The following ADGRV1 variants were observed in gnomAD, a reference collection of about 807,000 sequenced individuals.
ADGRV1 encodes the protein adhesion G protein-coupled receptor V1, also known as G-protein coupled receptor 98.
ADGRV1 carries 359 observed loss-of-function variants against 596.2 expected under a neutral mutation model. The observed-to-expected ratio is 0.60, with a 90% CI of 0.55 to 0.66. The LOEUF is 0.66. ADGRV1 is among the 30% of genes least tolerant of loss of function. ADGRV1 has a pLI of 0.00. For missense variants in ADGRV1, 7,274 were observed against 7,575.6 expected, an observed-to-expected ratio of 0.96 and a Z score of 1.48; for synonymous variants, 2,681 against 2,679.2, an observed-to-expected ratio of 1.00 and a Z score of -0.02.
intron 83 of ADGRV1, among the ~76,000 whole-genome samples, chr5:90,881,566 A>G (rs1202303659): frequency 1.3e-5 from 2 of 152,170 alleles, no homozygotes; most frequent in Admixed American, 6.5e-5. Flanking sequence ...AACTTTGGCC[A>G]GTGGGTCACA....
chr5:90,783,153 C>CTA lies in ADGRV1; in HGVS notation c.13261_13262insTA (p.Pro4421LeufsTer4). 6.2e-7 allele frequency: 1 copy of CTA among 1,613,484 alleles called. No individual in the cohort carries two copies. The stretch of plus-strand genomic sequence containing the variant: ...GGAAGATGTTGGGCTGATCATGATC[C>CTA]CAGTGGTGAGGCTACATGGAACTTA... On this transcript the variant is annotated frameshift_variant, in exon 66 of 90. Transcript: ENST00000405460. LOFTEE classifies it high-confidence loss of function.
intron 83 of ADGRV1, among the ~76,000 whole-genome samples, chr5:90,943,656 A>G (rs376571645): frequency 6.6e-6 from 1 of 152,096 alleles, no homozygotes; most frequent in African/African-American, 2.4e-5. Flanking sequence ...AGCATCCTCC[A>G]TCTAAAAAGT....
intron 45 of ADGRV1, among the ~76,000 whole-genome samples, chr5:90,723,477 G>A (rs755273143): frequency 1.3e-5 from 2 of 152,214 alleles, no homozygotes; most frequent in African/African-American, 2.4e-5. Flanking sequence ...TTTTTTGGAA[G>A]TACTCATGAG....
chr5:90,957,928 A>G (rs575176549), intron 83 of ADGRV1, among the ~76,000 whole-genome samples: 89 of 151,962 alleles, frequency 5.9e-4, no homozygotes, highest in Non-Finnish European at 1.0e-3. Context: ...AAAGGATAAT[A>G]TATCACAACA....
At chr5:90,740,098 C>T (rs904801398) in intron 50 of ADGRV1, among the ~76,000 whole-genome samples, 4 of 152,198 alleles carry the variant, frequency 2.6e-5, no homozygotes, top group African/African-American at 9.6e-5. Context: ...AAGGAAAGTA[C>T]TGGGGCTTGG....
intron 70 of ADGRV1, chr5:90,792,123 T>C (rs1252757641): frequency 6.6e-6 from 1 of 152,228 alleles, no homozygotes. Flanking sequence ...TGGTGTCATC[T>C]TGAGAAAAAC....
At chr5:90,798,910 A>G (rs993091545) in intron 70 of ADGRV1, among the ~76,000 whole-genome samples, 4 of 152,222 alleles carry the variant, frequency 2.6e-5, no homozygotes, top group Non-Finnish European at 2.9e-5. Flanking sequence ...TAAACTAGGT[A>G]TTGATGGAAT....
Position 90,622,703 on chromosome 5 carries a change from T to C in ADGRV1, c.558+2T>C. 1 of 1,338,194 alleles carries C rather than the reference T, an allele frequency of 7.5e-7. No homozygotes were observed. Among genetic ancestry groups the C allele is most frequent in the East Asian group, 2.5e-5 (1 of 39,614 alleles). 82.9% of individuals were successfully genotyped at this position (1,338,194 alleles called of 1,614,324 possible). The stretch of plus-strand genomic sequence containing the variant: ...GGAATGGTCATGGTGACTTTTGAGG[T>C]AAGTTTACTCTGAAGTCATTTTATT... On this transcript the variant is annotated splice_donor_variant, in intron 5 of 89. Coordinates refer to ENST00000405460, the MANE Select transcript of ADGRV1 (RefSeq NM_032119.4). LOFTEE classifies it high-confidence loss of function.
intron 87 of ADGRV1, among the ~76,000 whole-genome samples, chr5:91,112,647 C>G (rs1313766874): frequency 1.3e-5 from 2 of 152,070 alleles, no homozygotes; most frequent in Admixed American, 1.3e-4. Flanking sequence ...TTATTCTTCT[C>G]TCTCATATTA....
At chr5:90,986,098 T>TATATATTATGC (rs779807036) in intron 85 of ADGRV1, among the ~76,000 whole-genome samples, 112 of 140,308 alleles carry the variant, frequency 8.0e-4, no homozygotes, top group Admixed American at 1.5e-3. Context: ...AATATATATA[T>TATATATTATGC]ATATATATTA....
intron 75 of ADGRV1, among the ~76,000 whole-genome samples, chr5:90,817,198 C>T (rs1364395356): frequency 1.3e-5 from 2 of 151,568 alleles, no homozygotes; most frequent in East Asian, 3.9e-4. Flanking sequence ...TTTTTGGCTG[C>T]ATAAATGTCT....
At chr5:90,807,843 C>A in intron 73 of ADGRV1, 106 bp downstream of exon 73, 1 of 1,055,948 alleles carries the variant, frequency 9.5e-7, no homozygotes, top group Non-Finnish European at 1.3e-6. Flanking sequence ...GAAGCAAACA[C>A]AAACATAGTT....
intron 11 of ADGRV1, among the ~76,000 whole-genome samples, chr5:90,639,519 T>G (rs1766703323): frequency 6.6e-6 from 1 of 152,214 alleles, no homozygotes; most frequent in African/African-American, 2.4e-5. Flanking sequence ...GTTTATTTTG[T>G]TCTTCTTTTT....
intron 54 of ADGRV1, among the ~76,000 whole-genome samples, chr5:90,754,597 A>T (rs1755627904): frequency 6.6e-6 from 1 of 152,208 alleles, no homozygotes; most frequent in Non-Finnish European, 1.5e-5. Flanking sequence ...CTTTGTATAT[A>T]TAATTTTTCA....
chr5:90,641,206 C>T (rs1036643671), intron 11 of ADGRV1, among the ~76,000 whole-genome samples: 50 of 152,148 alleles, frequency 3.3e-4, no homozygotes, highest in Non-Finnish European at 4.1e-4. Context: ...CTGTGCTGTA[C>T]TTCTGAAATT....
intron 77 of ADGRV1, among the ~76,000 whole-genome samples, chr5:90,830,990 C>T (rs779598100): frequency 3.9e-5 from 6 of 152,036 alleles, no homozygotes; most frequent in Admixed American, 1.3e-4. Context: ...TGGCTTTTTC[C>T]GGTCTCTGGA....
intron 16 of ADGRV1, among the ~76,000 whole-genome samples, chr5:90,646,556 T>A (rs919217395): frequency 2.6e-5 from 4 of 152,110 alleles, no homozygotes; most frequent in Non-Finnish European, 5.9e-5. Flanking sequence ...AAGGGAAATA[T>A]TAATTAAAAT....
Position 90,614,881 on chromosome 5 carries a change from C to T in ADGRV1, c.69C>T (p.Leu23=), listed in dbSNP as rs1200579219. 4 of 1,610,614 alleles carry T rather than the reference C, an allele frequency of 2.5e-6. No homozygotes were observed. Among genetic ancestry groups the T allele is most frequent in the African/African-American group, 1.3e-5 (1 of 74,822 alleles). ...SLLVNLLSAL[L]ILFVFGETEI... ...TAGTAAATCTTCTTTCAGCTTTACT[C>T]ATCCTATTTGTGTTTGGAGAAACAG... is the stretch of plus-strand genomic sequence containing the variant. Residue 23 remains leucine (L), a synonymous_variant, in exon 2 of 90, where the codon CTC becomes CTT. Transcript: ENST00000405460.
intron 1 of ADGRV1, among the ~76,000 whole-genome samples, chr5:90,576,094 T>C (rs1216904954): frequency 6.6e-6 from 1 of 152,146 alleles, no homozygotes; most frequent in East Asian, 1.9e-4. Context: ...CTGCTTCCAG[T>C]CCTCTGCTTA....
Sources: gnomAD v4.1 joint callset for allele counts (sites outside exome capture counted in the v4.1 genomes callset) on GRCh38, gnomAD v4.1.1 for gene constraint, MANE v1.5 for transcripts, NCBI Gene and HGNC (gene_info 2026-07-23, HGNC 2026-07-21) for gene names.